The following CNTNAP2 variants were observed in gnomAD, a reference collection of about 807,000 sequenced individuals.
CNTNAP2 encodes the protein contactin associated protein 2, also known as contactin-associated protein-like 2.
In CNTNAP2, 98 loss-of-function variants were observed where a neutral mutation model predicts 155.2. The observed-to-expected ratio is 0.63, with a 90% CI of 0.54 to 0.75. CNTNAP2 has a LOEUF of 0.75. CNTNAP2 is among the 30% of genes least tolerant of loss of function. The probability of loss-of-function intolerance (pLI) is 0.00; values close to 1 mark genes in which losing one functional copy is unlikely to be tolerated. For synonymous variants in CNTNAP2, 651 were observed against 631.2 expected, an observed-to-expected ratio of 1.03 and a Z score of -0.47; for missense variants, 1,727 against 1,688.1, an observed-to-expected ratio of 1.02 and a Z score of -0.40.
chr7:148,360,323 A>G (rs1048724698), intron 21 of CNTNAP2, among the ~76,000 whole-genome samples: 9 of 152,226 alleles, frequency 5.9e-5, no homozygotes, highest in African/African-American at 1.9e-4. Flanking sequence ...TTACCAAGCA[A>G]TTGAGTGGTG....
chr7:147,549,688 A>G (rs1322784772), intron 11 of CNTNAP2, among the ~76,000 whole-genome samples: 1 of 152,174 alleles, frequency 6.6e-6, no homozygotes, highest in African/African-American at 2.4e-5. Flanking sequence ...GTCTATAAAA[A>G]GTAGTCACCA....
chr7:146,731,370 T>C (rs1801522896), intron 1 of CNTNAP2, among the ~76,000 whole-genome samples: 1 of 151,764 alleles, frequency 6.6e-6, no homozygotes, highest in African/African-American at 2.4e-5. Context: ...TTATTTATTA[T>C]TTATTATTTT....
chr7:147,719,993 G>A lies in CNTNAP2; in HGVS notation c.2098+80687G>A, dbSNP rs540121439. 2.1e-3 allele frequency among the ~76,000 whole-genome samples: 320 copies of A among 152,084 alleles called. 2 individuals carry two copies. Among genetic ancestry groups the A allele is most frequent in the Non-Finnish European group, 2.9e-3 (196 of 67,982 alleles). On this transcript the variant is annotated intron_variant, in intron 13 of 23. Coordinates refer to ENST00000361727, the MANE Select transcript of CNTNAP2 (RefSeq NM_014141.6). ...CACCCACCTTGTACATTTTAATTAA[G>A]ACAGGCACTCCTGTATTCTGTGTGT...
intron 2 of CNTNAP2, among the ~76,000 whole-genome samples, chr7:146,827,545 TGAC>T (rs1330426399): frequency 6.6e-6 from 1 of 151,842 alleles, no homozygotes; most frequent in African/African-American, 2.4e-5. Context: ...TTGAGAATGA[TGAC>T]ATTTTCTGGA....
At chr7:146,731,996 G>A (rs1257974420) in intron 1 of CNTNAP2, among the ~76,000 whole-genome samples, 1 of 151,946 alleles carries the variant, frequency 6.6e-6, no homozygotes, top group Non-Finnish European at 1.5e-5. Context: ...AATGCTAACT[G>A]CCCAAATTAC....
rs111571214 is a variant in CNTNAP2 at position 146,934,357 on chromosome 7, C to T, written c.402+94453C>T. Among the ~76,000 whole-genome samples the T allele has an allele frequency of 5.1e-3, 757 of 147,942 alleles. 9 individuals carry two copies. The highest frequency in any genetic ancestry group is 0.017 in the African/African-American group (687 of 40,078). ...ATTACAAGAACAAAAAACCAAACAC[C>T]GCATATTCTCACTCATAGATGGGAA... On this transcript the variant is annotated intron_variant, in intron 3 of 23. Coordinates refer to ENST00000361727, the MANE Select transcript of CNTNAP2 (RefSeq NM_014141.6).
rs567609721 is a variant in CNTNAP2, at chr7:148,165,689, C to T, written c.2774-6553C>T. ...TGGGAAGCTCACATGCCATGAGCGG[C>T]GAAGCCAACACATAGAAGTAGATCT... On this transcript the variant is annotated intron_variant, in intron 17 of 23. Transcript: ENST00000361727. Among the ~76,000 whole-genome samples the T allele has an allele frequency of 4.6e-5, 7 of 152,256 alleles. No individual in the cohort carries two copies. In the South Asian group the frequency reaches 8.3e-4, roughly 18 times the overall value.
chr7:146,516,965 G>A (rs993569838), intron 1 of CNTNAP2, among the ~76,000 whole-genome samples: 1 of 151,814 alleles, frequency 6.6e-6, no homozygotes, highest in East Asian at 1.9e-4. Context: ...CTTATCCACG[G>A]TTTCATTCTC....
intron 8 of CNTNAP2, among the ~76,000 whole-genome samples, chr7:147,150,815 G>A (rs1450770161): frequency 6.6e-6 from 1 of 152,152 alleles, no homozygotes; most frequent in African/African-American, 2.4e-5. Context: ...TAATCACACT[G>A]TATAATAAAG....
At chr7:148,375,205 T>G (rs1798959800) in intron 21 of CNTNAP2, among the ~76,000 whole-genome samples, 1 of 151,398 alleles carries the variant, frequency 6.6e-6, no homozygotes, top group African/African-American at 2.4e-5. Context: ...ACTGTGTAAT[T>G]ACAACTATAT....
intron 22 of CNTNAP2, among the ~76,000 whole-genome samples, chr7:148,391,931 C>T (rs1300555600): frequency 2.0e-5 from 3 of 152,134 alleles, no homozygotes; most frequent in South Asian, 2.1e-4. Context: ...TTATCACATT[C>T]GTGATATTTG....
At chr7:147,928,115 T>A (rs1428743927) in intron 14 of CNTNAP2, among the ~76,000 whole-genome samples, 1 of 152,168 alleles carries the variant, frequency 6.6e-6, no homozygotes, top group African/African-American at 2.4e-5. Flanking sequence ...TCTCATTCTA[T>A]CTTGCCTGCC....
At chr7:147,925,288 G>GCT (rs1281149520) in intron 14 of CNTNAP2, among the ~76,000 whole-genome samples, 1 of 67,324 alleles carries the variant, frequency 1.5e-5, no homozygotes, top group African/African-American at 8.6e-5. Context: ...ACACAAGCGC[G>GCT]CGCGCACACA....
intron 15 of CNTNAP2, among the ~76,000 whole-genome samples, chr7:148,022,352 C>T (rs892445960): frequency 6.6e-6 from 1 of 151,796 alleles, no homozygotes; most frequent in African/African-American, 2.4e-5. Flanking sequence ...ACCTGTAGTC[C>T]CAGCTACTCA....
intron 1 of CNTNAP2, among the ~76,000 whole-genome samples, chr7:146,650,249 T>A (rs1025326449): frequency 1.7e-4 from 26 of 152,182 alleles, no homozygotes; most frequent in Admixed American, 5.2e-4. Flanking sequence ...TGTACACATA[T>A]GTTTATTGCA....
chr7:147,007,708 A>G (rs554810533), intron 3 of CNTNAP2, among the ~76,000 whole-genome samples: 2 of 151,960 alleles, frequency 1.3e-5, no homozygotes, highest in East Asian at 3.9e-4. Flanking sequence ...CAGCTTTCAT[A>G]AAATTAAATA....
At chr7:146,148,463 A>G (rs1377294776) in intron 1 of CNTNAP2, among the ~76,000 whole-genome samples, 2 of 152,144 alleles carry the variant, frequency 1.3e-5, no homozygotes, top group Non-Finnish European at 2.9e-5. Context: ...AGAATTCACA[A>G]TAGAATTCTC....
intron 10 of CNTNAP2, among the ~76,000 whole-genome samples, chr7:147,415,025 G>A (rs148857751): frequency 5.4e-4 from 81 of 151,170 alleles, no homozygotes; most frequent in African/African-American, 1.8e-3. Flanking sequence ...AACCCAAAGA[G>A]GGCAAGACAA....
chr7:147,515,976 C>A (rs1799119453), intron 11 of CNTNAP2, among the ~76,000 whole-genome samples: 1 of 137,412 alleles, frequency 7.3e-6, no homozygotes, highest in East Asian at 1.9e-4. Context: ...AAGGTAAAAA[C>A]CAAAGTAAAA....
Sources: gnomAD v4.1 joint callset for allele counts (sites outside exome capture counted in the v4.1 genomes callset) on GRCh38, gnomAD v4.1.1 for gene constraint, MANE v1.5 for transcripts, NCBI Gene and HGNC (gene_info 2026-07-23, HGNC 2026-07-21) for gene names.